Variants in CRELD1 observed in about 807,000 individuals in gnomAD.
CRELD1 encodes the protein CRELD disulfide isomerase 1.
CRELD1 carries 42 observed loss-of-function variants against 58.2 expected under a neutral mutation model. The observed-to-expected ratio is 0.72, with a 90% CI of 0.56 to 0.93. CRELD1 has a LOEUF of 0.93. Among genes scored for constraint, CRELD1 ranks in the 40% least tolerant of loss-of-function variants. CRELD1 has a pLI of 0.00. For synonymous variants in CRELD1, 222 were observed against 202.0 expected, an observed-to-expected ratio of 1.10 and a Z score of -0.84; for missense variants, 500 against 540.6, an observed-to-expected ratio of 0.92 and a Z score of 0.74.
chr3:9,934,652 A>G, intron 2 of CRELD1, 40 bp downstream of exon 2: 1 of 1,604,060 alleles, frequency 6.2e-7, no homozygotes, highest in Non-Finnish European at 8.5e-7. Flanking sequence ...GAACACAGCG[A>G]TTTAGAGTGG....
chr3:9,941,097 C>T lies in CRELD1; in HGVS notation c.638-14C>T. 1 of 1,614,184 alleles carries T rather than the reference C, an allele frequency of 6.2e-7. No homozygotes were observed. The highest frequency in any genetic ancestry group is 1.3e-5 in the African/African-American group (1 of 75,064). On this transcript the variant is annotated splice_polypyrimidine_tract_variant and intron_variant, in intron 6 of 10. Coordinates refer to ENST00000452070, the MANE Select transcript of CRELD1 (RefSeq NM_001077415.3). Reference sequence around the variant, plus strand: ...CCTGCCTGCCCATCCTCATGCTGCCCCCATTCCACCCAGCTTGTTTTGGCC... The same window carrying T: ...CCTGCCTGCCCATCCTCATGCTGCCTCCATTCCACCCAGCTTGTTTTGGCC...
At chr3:9,937,993 C>G in intron 4 of CRELD1, 22 bp from the exon 5 acceptor site, 2 of 1,582,162 alleles carry the variant, frequency 1.3e-6, no homozygotes, top group Non-Finnish European at 8.7e-7. Flanking sequence ...CCCCACCTCC[C>G]TCCACCCTGC....
Position 9,944,449 on chromosome 3 carries a change from T to C in CRELD1, c.1133T>C (p.Leu378Pro), listed in dbSNP as rs758832470. The C allele has an allele frequency of 6.2e-7, 1 of 1,613,926 alleles. No homozygotes were observed. The highest frequency in any genetic ancestry group is 8.5e-7 in the Non-Finnish European group (1 of 1,180,034). Reference sequence around the variant, plus strand: ...TTCTTTGGCATCATCATCTGTGCACTGGCCACGCTGGCTGCTAAGGGCGAC... The same window carrying C: ...TTCTTTGGCATCATCATCTGTGCACCGGCCACGCTGGCTGCTAAGGGCGAC... Reference protein sequence around the residue: ...QMFFGIIICALATLAAKGDLV... With the variant: ...QMFFGIIICAPATLAAKGDLV... The change falls in exon 11 of 11, where the codon CTG becomes CCG. Residue 378 changes from leucine to proline, a missense_variant. Coordinates refer to ENST00000452070, the MANE Select transcript of CRELD1 (RefSeq NM_001077415.3).
intron 9 of CRELD1, 40 bp from the exon 10 acceptor site, chr3:9,943,341 G>A (rs769745964): frequency 6.2e-7 from 1 of 1,613,630 alleles, no homozygotes; most frequent in Non-Finnish European, 8.5e-7. Context: ...GTGCTGGGTG[G>A]GGGGCCCTAG....
In CRELD1 at chr3:9,934,572, C is replaced by T. The variant is rs762711671; in HGVS notation, c.134C>T (p.Pro45Leu). 4.3e-6 allele frequency: 7 copies of T among 1,613,946 alleles called. No homozygotes were observed. The South Asian group carries it at 5.5e-5, about 13-fold the overall frequency. ...TCTTCTCCCCCGCCTCAGCCCCATC[C>T]GTGTCATACCTGCCGGGGACTGGTT... Reference protein sequence around the residue: ...PQSSPPPQPHPCHTCRGLVDS... With the variant: ...PQSSPPPQPHLCHTCRGLVDS... Residue 45 changes from proline (P) to leucine (L), a missense_variant, in exon 2 of 11, where the codon CCG becomes CTG. Transcript: ENST00000452070.
chr3:9,938,912 A>G (rs182193959), intron 5 of CRELD1, among the ~76,000 whole-genome samples: 1 of 151,890 alleles, frequency 6.6e-6, no homozygotes, highest in African/African-American at 2.4e-5. Flanking sequence ...TAAACCCAGC[A>G]CTTTGGGAGG....
intron 5 of CRELD1, among the ~76,000 whole-genome samples, chr3:9,939,907 A>G (rs544920707): frequency 1.3e-4 from 19 of 147,884 alleles, no homozygotes; most frequent in Non-Finnish European, 2.4e-4. Flanking sequence ...CAGTAGGGGC[A>G]GCCGGGCAGA....
chr3:9,940,622 A>C (rs1224261619), intron 5 of CRELD1, among the ~76,000 whole-genome samples: 8 of 142,578 alleles, frequency 5.6e-5, no homozygotes, highest in African/African-American at 1.8e-4. Flanking sequence ...GCAGCAGTAC[A>C]GTCCAGCTTC....
At position 9,937,588 on chromosome 3, in the gene CRELD1, A is replaced by C. The variant is rs1332513627; in HGVS notation, c.284A>C (p.Glu95Ala). ...DSETRLVEVLEGVCSKSDFEC... is the reference protein window; with the variant it reads ...DSETRLVEVLAGVCSKSDFEC... ...GAGACCCGCCTGGTAGAGGTGCTGGAGGGTGTGTGCAGCAAGTCAGACTTC... is the reference window on the plus strand; with the variant it reads ...GAGACCCGCCTGGTAGAGGTGCTGGCGGGTGTGTGCAGCAAGTCAGACTTC... Residue 95 changes from glutamate (E) to alanine (A), a missense_variant, in exon 4 of 11, where the codon GAG becomes GCG. Physicochemically the swap from Glu to Ala is moderately radical, Grantham distance 107. Coordinates refer to ENST00000452070, the MANE Select transcript of CRELD1 (RefSeq NM_001077415.3). 6.2e-7 allele frequency: 1 copy of C among 1,612,048 alleles called. No homozygotes were observed. The highest frequency in any genetic ancestry group is 1.7e-5 in the Admixed American group (1 of 59,878).
rs1383799455 is a variant in CRELD1 at position 9,938,385 on chromosome 3, C to T, written c.460+279C>T. 12 of 436,588 alleles carry T rather than the reference C, an allele frequency of 2.7e-5. No individual in the cohort carries two copies. In the East Asian group the frequency reaches 4.4e-4, roughly 16 times the overall value. The allele number at this position is 436,588 out of a possible 1,614,324, so 27.0% of individuals were successfully genotyped here. ...AGCCCCTTCATTTCCCATGCCAGAT[C>T]GGACTATGGTACCTTCCTGGGGAGG... On this transcript the variant is annotated intron_variant, in intron 5 of 10. Transcript: ENST00000452070.
At chr3:9,941,475 G>T (rs867958762) in intron 7 of CRELD1, among the ~76,000 whole-genome samples, 1 of 152,104 alleles carries the variant, frequency 6.6e-6, no homozygotes, top group Admixed American at 6.5e-5. Context: ...TGGAGGAGGC[G>T]TTACTTTGGC....
rs1380727464 is a variant in CRELD1 at position 9,941,100 on chromosome 3, A to T, written c.638-11A>T. 1 of 1,614,208 alleles carries T rather than the reference A, an allele frequency of 6.2e-7. No homozygotes were observed. The highest frequency in any genetic ancestry group is 1.1e-5 in the South Asian group (1 of 91,090). On this transcript the variant is annotated splice_polypyrimidine_tract_variant and intron_variant, in intron 6 of 10. Transcript: ENST00000452070. ...GCCTGCCCATCCTCATGCTGCCCCCATTCCACCCAGCTTGTTTTGGCCCCT... is the reference window on the plus strand; with the variant it reads ...GCCTGCCCATCCTCATGCTGCCCCCTTTCCACCCAGCTTGTTTTGGCCCCT...
chr3:9,940,764 G>A (rs1242127634), intron 5 of CRELD1, 86 bp from the exon 6 acceptor site: 1 of 1,080,290 alleles, frequency 9.3e-7, no homozygotes, highest in Non-Finnish European at 1.4e-6. Flanking sequence ...GGAAGGCAAG[G>A]GAGAGGGAGA....
At chr3:9,943,024 C>A in intron 8 of CRELD1, 53 bp from the exon 9 acceptor site, 1 of 1,580,108 alleles carries the variant, frequency 6.3e-7, no homozygotes, top group Non-Finnish European at 8.7e-7. Flanking sequence ...TGGAGCGTGG[C>A]TCCCCTGGGC....
rs757496466 is a variant in CRELD1, at chr3:9,934,856, G to A, written c.196G>A (p.Asp66Asn). ...CCAGGGCCTGGAGAGAACCATCCGG[G>A]ACAACTTTGGAGGTGGAAACACTGC... ...FNKGLERTIR[D>N]NFGGGNTAWE... The change falls in exon 3 of 11, where the codon GAC becomes AAC. Residue 66 changes from aspartate (D) to asparagine (N), a missense_variant. Asp to Asn is a conservative substitution (Grantham distance 23, BLOSUM62 1). Coordinates refer to ENST00000452070, the MANE Select transcript of CRELD1 (RefSeq NM_001077415.3). The A allele has an allele frequency of 3.7e-6, 6 of 1,612,946 alleles. No individual in the cohort carries two copies. The South Asian group carries it at 6.6e-5, about 18-fold the overall frequency.
At chr3:9,943,762 CATCT>C in intron 10 of CRELD1, 2 of 1,594,158 alleles carry the variant, frequency 1.3e-6, no homozygotes, top group Non-Finnish European at 1.7e-6. Context: ...CCTGTTTCCT[CATCT>C]ATCCAATGGG....
chr3:9,934,669 CTG>C, intron 2 of CRELD1, 57 bp downstream of exon 2: 1 of 1,588,026 alleles, frequency 6.3e-7, no homozygotes, highest in Non-Finnish European at 8.6e-7. Context: ...GTGGGGAACT[CTG>C]GGATGCAAAT....
At chr3:9,942,694 A>G in intron 7 of CRELD1, 119 bp from the exon 8 acceptor site, 1 of 824,206 alleles carries the variant, frequency 1.2e-6, no homozygotes, top group African/African-American at 1.7e-5. Flanking sequence ...GTGTTGGTAG[A>G]CAGCTTGCAG....
rs148159930 is a variant in CRELD1, at chr3:9,944,510, G to A, written c.1194G>A (p.Ala398=). ...VFTAIFIGAV[A]AMTGYWLSER... ...CCGCCATCTTCATTGGGGCTGTGGC[G>A]GCCATGACTGGCTACTGGTTGTCAG... Residue 398 remains alanine, a synonymous_variant, in exon 11 of 11, where the codon GCG becomes GCA. Transcript: ENST00000452070. 1,475 of 1,612,580 alleles carry A rather than the reference G, an allele frequency of 9.1e-4. 1 individual carries two copies. The highest frequency in any genetic ancestry group is 1.2e-3 in the Non-Finnish European group (1,403 of 1,180,014).
Sources: allele counts gnomAD v4.1 joint callset (sites outside exome capture counted in the v4.1 genomes callset), GRCh38; gene constraint gnomAD v4.1.1; transcripts MANE v1.5; gene names NCBI Gene and HGNC (gene_info 2026-07-23, HGNC 2026-07-21).